The following VTI1A variants were observed in gnomAD, a reference collection of about 807,000 sequenced individuals.
VTI1A encodes the protein vesicle transport through interaction with t-SNAREs 1A.
A neutral mutation model predicts 34.9 loss-of-function variants in VTI1A; 22 were observed. That is an observed-to-expected ratio of 0.63 (90% CI 0.45 to 0.90). The LOEUF (loss-of-function observed/expected upper bound fraction) is 0.90, where lower values mean the gene tolerates loss of function less well. Ranked by LOEUF, VTI1A falls within the 40% of genes least tolerant of loss-of-function variation. VTI1A has a pLI of 0.00. For missense variants in VTI1A, 268 were observed against 275.6 expected, an observed-to-expected ratio of 0.97 and a Z score of 0.20; for synonymous variants, 87 against 97.3, an observed-to-expected ratio of 0.89 and a Z score of 0.62.
At chr10:112,700,292 G>A (rs1848966155) in intron 7 of VTI1A, among the ~76,000 whole-genome samples, 1 of 152,082 alleles carries the variant, frequency 6.6e-6, no homozygotes, top group South Asian at 2.1e-4. Flanking sequence ...CTAAATCAGT[G>A]TTTTTCCTGC....
intron 5 of VTI1A, among the ~76,000 whole-genome samples, chr10:112,567,066 G>A (rs776504972): frequency 6.6e-6 from 1 of 152,006 alleles, no homozygotes; most frequent in Non-Finnish European, 1.5e-5. Flanking sequence ...GTATCATTTT[G>A]TTGCCCAGGC....
intron 5 of VTI1A, among the ~76,000 whole-genome samples, chr10:112,660,104 G>T (rs1415821545): frequency 6.6e-6 from 1 of 152,072 alleles, no homozygotes; most frequent in Non-Finnish European, 1.5e-5. Context: ...ATTTGTTGTT[G>T]TTGTTGTTGT....
chr10:112,641,064 A>G (rs1015805838), intron 5 of VTI1A, among the ~76,000 whole-genome samples: 10 of 151,630 alleles, frequency 6.6e-5, no homozygotes, highest in African/African-American at 2.2e-4. Context: ...AGAAAAAGCA[A>G]AAGTTTTTTT....
chr10:112,520,279 T>C (rs1301412713), intron 3 of VTI1A, among the ~76,000 whole-genome samples: 1 of 152,022 alleles, frequency 6.6e-6, no homozygotes, highest in Non-Finnish European at 1.5e-5. Context: ...TAATTGTTGA[T>C]TGACAAGCTA....
intron 5 of VTI1A, among the ~76,000 whole-genome samples, chr10:112,568,777 A>G (rs1320887435): frequency 6.6e-6 from 1 of 152,112 alleles, no homozygotes; most frequent in East Asian, 1.9e-4. Flanking sequence ...TCAAGTCTTC[A>G]TGTTTTTCCC....
At chr10:112,496,199 CCCG>C (rs1467960559) in intron 3 of VTI1A, among the ~76,000 whole-genome samples, 1 of 116,256 alleles carries the variant, frequency 8.6e-6, no homozygotes, top group African/African-American at 3.2e-5. Flanking sequence ...CCCCCCCCCC[CCCG>C]CCGTCTCTAA....
intron 7 of VTI1A, among the ~76,000 whole-genome samples, chr10:112,798,480 G>C (rs1438764639): frequency 6.6e-6 from 1 of 152,156 alleles, no homozygotes; most frequent in Non-Finnish European, 1.5e-5. Context: ...GAATGACAGA[G>C]TGAAAGGTCG....
chr10:112,770,346 T>C (rs1180253944), intron 7 of VTI1A, among the ~76,000 whole-genome samples: 1 of 152,118 alleles, frequency 6.6e-6, no homozygotes, highest in Non-Finnish European at 1.5e-5. Context: ...ATAATTTGGC[T>C]GAAAGATGCA....
At chr10:112,555,025 AT>A (rs948659202) in intron 5 of VTI1A, among the ~76,000 whole-genome samples, 5 of 152,032 alleles carry the variant, frequency 3.3e-5, no homozygotes, top group East Asian at 1.9e-4. Flanking sequence ...GAGAGTTAAT[AT>A]TTTTTTCTTT....
At chr10:112,593,280 T>A (rs2134440473) in intron 5 of VTI1A, among the ~76,000 whole-genome samples, 1 of 152,340 alleles carries the variant, frequency 6.6e-6, no homozygotes, top group Non-Finnish European at 1.5e-5. Context: ...GCATCAATAT[T>A]TTTTAAAGCT....
chr10:112,737,639 CAG>C (rs1470844588), intron 7 of VTI1A: 4 of 1,049,954 alleles, frequency 3.8e-6, no homozygotes, highest in Non-Finnish European at 4.6e-6. Flanking sequence ...GTGTGAAACA[CAG>C]GGGTACCTCA....
chr10:112,828,595 C>T, the VTI1A span, among the ~76,000 whole-genome samples: 1 of 151,762 alleles, frequency 6.6e-6, no homozygotes, highest in Admixed American at 6.6e-5. Flanking sequence ...TTAGTAGAGA[C>T]GGGGTTTCAC....
chr10:112,463,706 T>C (rs1393401292), intron 2 of VTI1A, among the ~76,000 whole-genome samples: 7 of 152,224 alleles, frequency 4.6e-5, no homozygotes, highest in Non-Finnish European at 4.4e-5. Flanking sequence ...TTTAATGCCA[T>C]ATAAATGTGG....
At chr10:112,726,857 C>T (rs1325069749) in intron 7 of VTI1A, among the ~76,000 whole-genome samples, 5 of 152,118 alleles carry the variant, frequency 3.3e-5, no homozygotes, top group South Asian at 4.2e-4. Flanking sequence ...TAGCTGATAC[C>T]GGGGGGTCAG....
chr10:112,836,511 T>TC, the VTI1A span, among the ~76,000 whole-genome samples: 1 of 152,120 alleles, frequency 6.6e-6, no homozygotes, highest in South Asian at 2.1e-4. Flanking sequence ...AAAGAGAACT[T>TC]CAACTTTCCC....
rs1309040341 is a variant in VTI1A at position 112,737,871 on chromosome 10, C to T, written c.560+68873C>T. On this transcript the variant is annotated intron_variant, in intron 7 of 7. Coordinates refer to ENST00000393077, the MANE Select transcript of VTI1A (RefSeq NM_145206.4). ...GTTTATCGTTGGTTTGATAGCTGAGCCGTAGGATCGATGCCTTTCAGCGAG... is the reference window on the plus strand; with the variant it reads ...GTTTATCGTTGGTTTGATAGCTGAGTCGTAGGATCGATGCCTTTCAGCGAG... The T allele has an allele frequency of 1.1e-5, 12 of 1,061,756 alleles. No homozygotes were observed. In the South Asian group the frequency reaches 4.1e-4, roughly 36 times the overall value. 65.8% of individuals were successfully genotyped at this position (1,061,756 alleles called of 1,614,324 possible).
chr10:112,706,667 C>T (rs1419564066), intron 7 of VTI1A, among the ~76,000 whole-genome samples: 1 of 152,210 alleles, frequency 6.6e-6, no homozygotes, highest in African/African-American at 2.4e-5. Flanking sequence ...CTCCATAGCA[C>T]ATGTGGCCTT....
At chr10:112,546,964 C>T (rs931378455) in intron 5 of VTI1A, among the ~76,000 whole-genome samples, 29 of 151,986 alleles carry the variant, frequency 1.9e-4, no homozygotes, top group Non-Finnish European at 1.8e-4. Flanking sequence ...TCAGTATTTC[C>T]ATGCTATGTT....
chr10:112,684,266 T>C (rs1488569314), intron 7 of VTI1A, among the ~76,000 whole-genome samples: 1 of 152,166 alleles, frequency 6.6e-6, no homozygotes, highest in Non-Finnish European at 1.5e-5. Context: ...AAAAACTCTT[T>C]GTAATCATTA....
Sources: allele counts gnomAD v4.1 joint callset (sites outside exome capture counted in the v4.1 genomes callset), GRCh38; gene constraint gnomAD v4.1.1; transcripts MANE v1.5; gene names NCBI Gene and HGNC (gene_info 2026-07-23, HGNC 2026-07-21).